CYLC2: variants seen among roughly 807,000 people sequenced by gnomAD.
CYLC2 encodes the protein cylicin 2, also known as cylicin-2.
Under a neutral mutation model 26.1 loss-of-function variants are expected in CYLC2, and 30 were observed. The ratio of observed to expected loss-of-function variants is 1.15; its 90% CI spans 0.86 to 1.56. The LOEUF (loss-of-function observed/expected upper bound fraction) is 1.56. Among genes scored for constraint, CYLC2 ranks in the 40% most tolerant of loss-of-function variants. The probability of loss-of-function intolerance (pLI) is 0.00; values close to 1 mark genes in which losing one functional copy is unlikely to be tolerated. For missense variants in CYLC2, 498 were observed against 394.4 expected (o/e 1.26, Z -2.23); for synonymous variants, 158 against 132.8 (o/e 1.19, Z -1.31).
intron 6 of CYLC2, among the ~76,000 whole-genome samples, chr9:103,015,527 A>G (rs1829494658): frequency 7.0e-6 from 1 of 141,870 alleles, no homozygotes; most frequent in African/African-American, 2.6e-5. Flanking sequence ...ATGTTTATAT[A>G]TAAATATATA....
At chr9:103,003,348 T>C in intron 3 of CYLC2, 85 bp downstream of exon 3, 1 of 1,186,204 alleles carries the variant, frequency 8.4e-7, no homozygotes, top group Non-Finnish European at 1.2e-6. Context: ...TTATAATTAG[T>C]CTTAAGTAAT....
chr9:103,006,796 G>A (rs1389099096), intron 5 of CYLC2, among the ~76,000 whole-genome samples: 1 of 152,020 alleles, frequency 6.6e-6, no homozygotes, highest in African/African-American at 2.4e-5. Context: ...AATAATAATT[G>A]AACCAAATTA....
In CYLC2 at chr9:102,995,929, A is replaced by G. The variant is rs1587848952; in HGVS notation, c.17+532A>G. Among the ~76,000 whole-genome samples, 2 of 152,008 alleles carry G rather than the reference A, an allele frequency of 1.3e-5. 1 individual carries two copies. Among genetic ancestry groups the G allele is most frequent in the Middle Eastern group, 6.8e-3 (2 of 294 alleles). ...GGAAGTACTTTGTAATGTAAAGCAT[A>G]TAATCCAGACATGAGAAGTTATATG... On this transcript the variant is annotated intron_variant, in intron 1 of 7. Transcript: ENST00000374798.
At chr9:103,013,793 TTTA>T (rs1399729966) in intron 6 of CYLC2, among the ~76,000 whole-genome samples, 11 of 104,176 alleles carry the variant, frequency 1.1e-4, no homozygotes, top group African/African-American at 3.8e-4. Context: ...ATGATTATAT[TTTA>T]TATTATATAT....
chr9:103,014,879 T>C (rs1587856466), intron 6 of CYLC2, among the ~76,000 whole-genome samples: 1 of 133,474 alleles, frequency 7.5e-6, no homozygotes, highest in South Asian at 2.2e-4. Context: ...TAATATACTA[T>C]GTATATTATG....
chr9:103,005,439 G>A lies in CYLC2; in HGVS notation c.808G>A (p.Gly270Ser). Residue 270 changes from glycine (G) to serine (S), a missense_variant, in exon 5 of 8, where the codon GGT becomes AGT. Gly to Ser is a moderately conservative substitution (Grantham distance 56). Coordinates refer to ENST00000374798, the MANE Select transcript of CYLC2 (RefSeq NM_001340.5). ...AKKDAKEIKK[G>S]KKDKKKPSST... ...GAAAGATGCAAAGGAGATTAAAAAA[G>A]GTAAGAAAGATAAGAAGAAGCCCAG... 6.2e-7 allele frequency: 1 copy of A among 1,613,348 alleles called. No homozygotes were observed. Among genetic ancestry groups the A allele is most frequent in the Non-Finnish European group, 8.5e-7 (1 of 1,179,844 alleles).
At chr9:103,014,176 A>C (rs1587855938) in intron 6 of CYLC2, among the ~76,000 whole-genome samples, 1 of 121,420 alleles carries the variant, frequency 8.2e-6, no homozygotes, top group Middle Eastern at 0.012. Flanking sequence ...AATATTATAT[A>C]TCTCATATAT....
chr9:103,013,145 T>C (rs908649139), intron 6 of CYLC2, among the ~76,000 whole-genome samples: 2 of 37,466 alleles, frequency 5.3e-5, no homozygotes, highest in African/African-American at 8.7e-5. Flanking sequence ...TATAAATATA[T>C]CATATATAAA....
At chr9:103,014,912 A>G (rs993821180) in intron 6 of CYLC2, among the ~76,000 whole-genome samples, 2 of 139,770 alleles carry the variant, frequency 1.4e-5, no homozygotes, top group African/African-American at 2.6e-5. Flanking sequence ...TATATGTAAT[A>G]TACATAATAT....
intron 5 of CYLC2, among the ~76,000 whole-genome samples, chr9:103,011,004 T>C (rs1406547486): frequency 6.6e-6 from 1 of 152,028 alleles, no homozygotes; most frequent in Non-Finnish European, 1.5e-5. Context: ...CCTAAGAATA[T>C]TGATTCTAGA....
At chr9:102,998,739 C>T (rs1254908176) in intron 1 of CYLC2, among the ~76,000 whole-genome samples, 2 of 151,850 alleles carry the variant, frequency 1.3e-5, no homozygotes, top group Non-Finnish European at 2.9e-5. Flanking sequence ...TTTGATCACA[C>T]AAAAAAGATA....
chr9:103,008,670 T>A (rs1268994015), intron 5 of CYLC2, among the ~76,000 whole-genome samples: 3 of 152,160 alleles, frequency 2.0e-5, no homozygotes, highest in African/African-American at 7.2e-5. Context: ...TACTCTTTTT[T>A]CTTCACCCTG....
chr9:103,013,393 T>A (rs1423727238), intron 6 of CYLC2, among the ~76,000 whole-genome samples: 10 of 109,062 alleles, frequency 9.2e-5, no homozygotes, highest in African/African-American at 2.7e-4. Flanking sequence ...TAAATATATA[T>A]TATATAAATA....
At chr9:103,014,333 TATA>T (rs1441183674) in intron 6 of CYLC2, among the ~76,000 whole-genome samples, 2 of 136,186 alleles carry the variant, frequency 1.5e-5, no homozygotes, top group African/African-American at 2.7e-5. Context: ...ACATAATGTA[TATA>T]ATATGTATAT....
chr9:103,008,473 C>T (rs1829374126), intron 5 of CYLC2, among the ~76,000 whole-genome samples: 1 of 151,916 alleles, frequency 6.6e-6, no homozygotes, highest in Non-Finnish European at 1.5e-5. Flanking sequence ...TCCATATTCC[C>T]ATATCCAAAT....
At chr9:103,002,757 C>G (rs1032298612) in intron 2 of CYLC2, among the ~76,000 whole-genome samples, 2 of 152,034 alleles carry the variant, frequency 1.3e-5, no homozygotes, top group African/African-American at 2.4e-5. Context: ...TGGCATTGTG[C>G]TAAGTACTAT....
intron 2 of CYLC2, among the ~76,000 whole-genome samples, 195 bp downstream of exon 2, chr9:103,001,813 T>A (rs1454267805): frequency 6.6e-6 from 1 of 152,132 alleles, no homozygotes; most frequent in Non-Finnish European, 1.5e-5. Flanking sequence ...TCCAAGGAAG[T>A]TTAAGTAAAC....
intron 5 of CYLC2, among the ~76,000 whole-genome samples, chr9:103,007,204 G>A (rs577050483): frequency 6.6e-6 from 1 of 152,200 alleles, no homozygotes; most frequent in African/African-American, 2.4e-5. Flanking sequence ...GAGAGACAAC[G>A]AAATAAATGA....
At chr9:103,013,556 T>C (rs1829442619) in intron 6 of CYLC2, among the ~76,000 whole-genome samples, 1 of 113,214 alleles carries the variant, frequency 8.8e-6, no homozygotes, top group African/African-American at 3.6e-5. Context: ...TTAAAATTAA[T>C]ATATGTATAT....
Sources: allele counts gnomAD v4.1 joint callset (sites outside exome capture counted in the v4.1 genomes callset), GRCh38; gene constraint gnomAD v4.1.1; transcripts MANE v1.5; gene names NCBI Gene and HGNC (gene_info 2026-07-23, HGNC 2026-07-21).